Variants in LRFN2 observed in about 807,000 individuals in gnomAD.
LRFN2 encodes leucine rich repeat and fibronectin type III domain containing 2, also known as leucine-rich repeat and fibronectin type-III domain-containing protein 2.
A neutral mutation model predicts 37.3 loss-of-function variants in LRFN2; 18 were observed. The ratio of observed to expected loss-of-function variants is 0.48; its 90% CI spans 0.33 to 0.72. The LOEUF is 0.72. Ranked by LOEUF, LRFN2 falls within the 30% of genes least tolerant of loss-of-function variation. The probability of loss-of-function intolerance (pLI) is 0.02; values close to 1 mark genes in which losing one functional copy is unlikely to be tolerated. For missense variants in LRFN2, 1,006 were observed against 1,060.7 expected (o/e 0.95, Z 0.72); for synonymous variants, 556 against 466.6 (o/e 1.19, Z -2.47).
intron 1 of LRFN2, among the ~76,000 whole-genome samples, chr6:40,485,204 G>A (rs1764925632): frequency 6.6e-6 from 1 of 152,186 alleles, no homozygotes; most frequent in African/African-American, 2.4e-5. Flanking sequence ...TAGAAGGATG[G>A]ACAAGATGAC....
intron 1 of LRFN2, among the ~76,000 whole-genome samples, chr6:40,457,324 T>C (rs1424403072): frequency 6.6e-6 from 1 of 152,066 alleles, no homozygotes; most frequent in Non-Finnish European, 1.5e-5. Flanking sequence ...AGAAAGCCCG[T>C]CATTCCACAA....
intron 1 of LRFN2, among the ~76,000 whole-genome samples, chr6:40,507,571 CT>C (rs1294921555): frequency 5.9e-5 from 9 of 152,262 alleles, no homozygotes; most frequent in Non-Finnish European, 1.2e-4. Context: ...AAAGGGCCTT[CT>C]TTTTTAAGGT....
At chr6:40,425,545 A>G (rs1276762900) in intron 2 of LRFN2, among the ~76,000 whole-genome samples, 2 of 152,054 alleles carry the variant, frequency 1.3e-5, no homozygotes, top group Non-Finnish European at 2.9e-5. Context: ...TGCCTTTCTG[A>G]CTTCCCTCTC....
At position 40,432,217 on chromosome 6, in the gene LRFN2, C is replaced by T. The variant is rs200595042; in HGVS notation, c.897G>A (p.Leu299=). 1.1e-5 allele frequency: 18 copies of T among 1,614,018 alleles called. No homozygotes were observed. Among genetic ancestry groups the T allele is most frequent in the Middle Eastern group, 1.6e-4 (1 of 6,062 alleles). ...GTGTGGCCGCCTGGCCCTCCAGAAC[C>T]AGCAACTTGTGTGTGTGCTGGGTGA... ...PLITQHTHKL[L]VLEGQAATLK... Residue 299 remains leucine, a synonymous_variant, in exon 2 of 3, where the codon CTG becomes CTA. Transcript: ENST00000338305.
intron 2 of LRFN2, among the ~76,000 whole-genome samples, chr6:40,403,604 C>T (rs1377840770): frequency 6.6e-6 from 1 of 152,170 alleles, no homozygotes; most frequent in Non-Finnish European, 1.5e-5. Flanking sequence ...CAAAGCACCC[C>T]AATCATTGCC....
At position 40,476,855 on chromosome 6, in the gene LRFN2, C is replaced by T. The variant is rs140035265; in HGVS notation, c.-18-43724G>A. On this transcript the variant is annotated intron_variant, in intron 1 of 2. Coordinates refer to ENST00000338305, the MANE Select transcript of LRFN2 (RefSeq NM_020737.3). ...CCAATGGACATCTTCTGCCCCAGTC[C>T]GGCTCACACTCACTGGCAAGTAGAA... Among the ~76,000 whole-genome samples the T allele has an allele frequency of 5.6e-3, 859 of 152,328 alleles. 7 individuals carry two copies. The highest frequency in any genetic ancestry group is 0.027 in the Middle Eastern group (8 of 294).
intron 1 of LRFN2, among the ~76,000 whole-genome samples, chr6:40,533,950 T>G (rs899929272): frequency 2.0e-5 from 3 of 152,174 alleles, no homozygotes; most frequent in Non-Finnish European, 4.4e-5. Flanking sequence ...CACTCGGAAT[T>G]CCTCAGGCAT....
chr6:40,512,858 G>C (rs1765751858), intron 1 of LRFN2, among the ~76,000 whole-genome samples: 1 of 152,224 alleles, frequency 6.6e-6, no homozygotes, highest in African/African-American at 2.4e-5. Context: ...CCCAGTGATG[G>C]GGAAACAGCC....
chr6:40,432,142 G>T lies in LRFN2; in HGVS notation c.972C>A (p.Ala324=). The T allele has an allele frequency of 1.2e-6, 2 of 1,613,884 alleles. No homozygotes were observed. The highest frequency in any genetic ancestry group is 1.7e-6 in the Non-Finnish European group (2 of 1,180,014). ...AGTTCCCTACCAGGCGGTCATCGGG[G>T]GCTACCCAGTGGATAAGGGGGCTGG... ...GDPSPLIHWV[A]PDDRLVGNSS... Residue 324 remains alanine (A), a synonymous_variant, in exon 2 of 3, where the codon GCC becomes GCA. Transcript: ENST00000338305.
chr6:40,550,545 G>T (rs1167153041), intron 1 of LRFN2, among the ~76,000 whole-genome samples: 1 of 152,190 alleles, frequency 6.6e-6, no homozygotes, highest in Non-Finnish European at 1.5e-5. Context: ...GGACAAGAAA[G>T]AACTTTCCAC....
intron 2 of LRFN2, among the ~76,000 whole-genome samples, chr6:40,393,640 C>T (rs1762558565): frequency 6.6e-6 from 1 of 152,142 alleles, no homozygotes; most frequent in Non-Finnish European, 1.5e-5. Flanking sequence ...AGTATTCCCT[C>T]CGTCTCTGGG....
chr6:40,474,874 T>C (rs903314975), intron 1 of LRFN2, among the ~76,000 whole-genome samples: 2 of 152,240 alleles, frequency 1.3e-5, no homozygotes, highest in African/African-American at 2.4e-5. Context: ...GAGTTTGCTA[T>C]TCCATCACAA....
At chr6:40,419,213 C>T (rs968515804) in intron 2 of LRFN2, among the ~76,000 whole-genome samples, 19 of 152,236 alleles carry the variant, frequency 1.2e-4, no homozygotes, top group Non-Finnish European at 2.5e-4. Context: ...ACCTCCACAG[C>T]CTTTCATGGA....
chr6:40,405,758 T>A (rs957520202), intron 2 of LRFN2, among the ~76,000 whole-genome samples: 4 of 152,092 alleles, frequency 2.6e-5, no homozygotes, highest in African/African-American at 9.7e-5. Context: ...TCAGAGTTCA[T>A]GTGGAGGAAG....
chr6:40,495,521 C>T (rs1765204306), intron 1 of LRFN2, among the ~76,000 whole-genome samples: 1 of 152,180 alleles, frequency 6.6e-6, no homozygotes, highest in South Asian at 2.1e-4. Context: ...CCTCTGACCA[C>T]CCAACATCTT....
At chr6:40,500,744 A>G (rs1334374894) in intron 1 of LRFN2, among the ~76,000 whole-genome samples, 4 of 152,234 alleles carry the variant, frequency 2.6e-5, no homozygotes, top group African/African-American at 7.2e-5. Flanking sequence ...ATTCACCAAT[A>G]CTGGGGAATA....
At chr6:40,438,074 T>G (rs1304869822) in intron 1 of LRFN2, among the ~76,000 whole-genome samples, 1 of 152,110 alleles carries the variant, frequency 6.6e-6, no homozygotes, top group Admixed American at 6.5e-5. Context: ...GAATCAGCCT[T>G]CATAGGAGGA....
At chr6:40,564,037 C>T (rs1347552747) in intron 1 of LRFN2, among the ~76,000 whole-genome samples, 10 of 152,204 alleles carry the variant, frequency 6.6e-5, no homozygotes, top group Admixed American at 6.5e-4. Context: ...GTAAGGTCAG[C>T]ATTCTTTTTA....
At chr6:40,456,477 T>C (rs1161619365) in intron 1 of LRFN2, among the ~76,000 whole-genome samples, 1 of 152,204 alleles carries the variant, frequency 6.6e-6, no homozygotes, top group African/African-American at 2.4e-5. Context: ...GTAGCTAGCC[T>C]GAGTACTTAG....
Sources: allele counts gnomAD v4.1 joint callset (sites outside exome capture counted in the v4.1 genomes callset), GRCh38; gene constraint gnomAD v4.1.1; transcripts MANE v1.5; gene names NCBI Gene and HGNC (gene_info 2026-07-23, HGNC 2026-07-21).